The following TP53BP2 variants were observed in gnomAD, a reference collection of about 807,000 sequenced individuals.
TP53BP2 encodes the protein tumor protein p53 binding protein 2, also known as apoptosis-stimulating of p53 protein 2.
A neutral mutation model predicts 126.2 loss-of-function variants in TP53BP2; 62 were observed. The observed-to-expected ratio is 0.49, with a 90% CI of 0.40 to 0.61. TP53BP2 has a LOEUF of 0.61. Among genes scored for constraint, TP53BP2 ranks in the 20% least tolerant of loss-of-function variants. The pLI is 0.00. For missense variants in TP53BP2, 1,215 were observed against 1,402.8 expected, an observed-to-expected ratio of 0.87 and a Z score of 2.14; for synonymous variants, 485 against 502.9, an observed-to-expected ratio of 0.96 and a Z score of 0.48.
chr1:223,843,965 A>G (rs1383210276), intron 1 of TP53BP2, among the ~76,000 whole-genome samples: 2 of 152,222 alleles, frequency 1.3e-5, no homozygotes, highest in African/African-American at 4.8e-5. Flanking sequence ...ATTGCAAGCT[A>G]GACACTGTAC....
chr1:223,824,666 A>G (rs2102876464), intron 1 of TP53BP2, among the ~76,000 whole-genome samples: 1 of 152,244 alleles, frequency 6.6e-6, no homozygotes, highest in Middle Eastern at 3.4e-3. Context: ...AGAACTTAAA[A>G]TTAATTTTTA....
At chr1:223,825,205 G>C (rs1448194704) in intron 1 of TP53BP2, among the ~76,000 whole-genome samples, 3 of 152,126 alleles carry the variant, frequency 2.0e-5, no homozygotes, top group Admixed American at 1.3e-4. Flanking sequence ...CAGTGTTGTA[G>C]ACTCAGCGCC....
chr1:223,798,117 G>T, intron 12 of TP53BP2, 98 bp downstream of exon 12: 2 of 1,212,134 alleles, frequency 1.6e-6, no homozygotes, highest in Non-Finnish European at 2.3e-6. Context: ...CTTAGCGTCA[G>T]TCAAAATAGG....
intron 1 of TP53BP2, among the ~76,000 whole-genome samples, chr1:223,823,907 C>A (rs928077237): frequency 6.6e-6 from 1 of 152,150 alleles, no homozygotes; most frequent in Admixed American, 6.5e-5. Flanking sequence ...TACAGAAATA[C>A]TGGAAATACA....
intron 1 of TP53BP2, among the ~76,000 whole-genome samples, chr1:223,832,385 G>C (rs568565178): frequency 1.3e-4 from 20 of 152,308 alleles, no homozygotes; most frequent in Non-Finnish European, 2.8e-4. Context: ...GAGATTAGGG[G>C]AAAATCTGAA....
intron 4 of TP53BP2, among the ~76,000 whole-genome samples, chr1:223,808,701 A>T (rs1487515931): frequency 2.6e-5 from 4 of 151,714 alleles, no homozygotes; most frequent in Non-Finnish European, 5.9e-5. Flanking sequence ...AAGAGTTCTT[A>T]GATACAACAC....
At chr1:223,819,184 CAA>C (rs533080608) in intron 2 of TP53BP2, among the ~76,000 whole-genome samples, 2,867 of 116,272 alleles carry the variant, frequency 0.025, 95 homozygotes, top group African/African-American at 0.076. Flanking sequence ...AACTCTGTCT[CAA>C]AAAAAAAAAA....
chr1:223,833,170 C>T (rs781609067), intron 1 of TP53BP2, among the ~76,000 whole-genome samples: 3 of 152,132 alleles, frequency 2.0e-5, no homozygotes, highest in Non-Finnish European at 4.4e-5. Context: ...TTATGTATAC[C>T]GATGTTCTAT....
chr1:223,809,213 C>G (rs548694422), intron 4 of TP53BP2, among the ~76,000 whole-genome samples: 1 of 152,208 alleles, frequency 6.6e-6, no homozygotes, highest in Admixed American at 6.5e-5. Context: ...ACTAAAACAA[C>G]GGCTAAGATC....
chr1:223,809,481 C>G (rs1301158341), intron 4 of TP53BP2, among the ~76,000 whole-genome samples: 1 of 151,866 alleles, frequency 6.6e-6, no homozygotes, highest in African/African-American at 2.4e-5. Context: ...GCAGGAGAAT[C>G]GCTTGAACCC....
chr1:223,844,885 G>A (rs925118483), intron 1 of TP53BP2, among the ~76,000 whole-genome samples: 35 of 152,188 alleles, frequency 2.3e-4, no homozygotes, highest in African/African-American at 8.2e-4. Flanking sequence ...CAACTTCCAC[G>A]AAGAAACTCG....
intron 1 of TP53BP2, among the ~76,000 whole-genome samples, chr1:223,825,231 T>C (rs1452744406): frequency 1.3e-5 from 2 of 152,204 alleles, no homozygotes; most frequent in African/African-American, 2.4e-5. Context: ...CTGTGCTTGG[T>C]GTGTAACAAG....
chr1:223,793,204 T>A, intron 14 of TP53BP2, 99 bp downstream of exon 14: 60 of 897,002 alleles, frequency 6.7e-5, no homozygotes, highest in East Asian at 1.3e-4. Flanking sequence ...TAAAACAAAA[T>A]ACAAGGTCAT....
chr1:223,804,372 G>C, intron 5 of TP53BP2, 24 bp from the exon 6 acceptor site: 1 of 1,608,592 alleles, frequency 6.2e-7, no homozygotes, highest in African/African-American at 1.3e-5. Flanking sequence ...TAATCATTAG[G>C]TATGTCATTT....
intron 15 of TP53BP2, among the ~76,000 whole-genome samples, chr1:223,790,000 T>C (rs571854239): frequency 6.6e-6 from 1 of 152,004 alleles, no homozygotes; most frequent in Non-Finnish European, 1.5e-5. Context: ...AAAAAAAATT[T>C]AGACCAGGCG....
At chr1:223,802,707 A>G in intron 8 of TP53BP2, 24 bp downstream of exon 8, 1 of 1,613,112 alleles carries the variant, frequency 6.2e-7, no homozygotes, top group Non-Finnish European at 8.5e-7. Flanking sequence ...CCTCCCCAAA[A>G]CCATTACAAA....
At chr1:223,832,948 A>G (rs1663791316) in intron 1 of TP53BP2, among the ~76,000 whole-genome samples, 1 of 152,138 alleles carries the variant, frequency 6.6e-6, no homozygotes, top group Non-Finnish European at 1.5e-5. Context: ...GTCTCTGTGG[A>G]ACCTTCCTCA....
intron 1 of TP53BP2, among the ~76,000 whole-genome samples, chr1:223,835,219 T>C (rs1663878955): frequency 6.6e-6 from 1 of 152,244 alleles, no homozygotes; most frequent in Non-Finnish European, 1.5e-5. Flanking sequence ...AGCCAGACAA[T>C]GTCTCAAAGA....
chr1:223,802,356 A>T lies in TP53BP2; in HGVS notation c.997-12T>A, dbSNP rs760195491. The T allele has an allele frequency of 6.2e-7, 1 of 1,611,668 alleles. No individual in the cohort carries two copies. The highest frequency in any genetic ancestry group is 8.5e-7 in the Non-Finnish European group (1 of 1,178,550). On this transcript the variant is annotated splice_polypyrimidine_tract_variant and intron_variant, in intron 8 of 17. Coordinates refer to ENST00000343537, the MANE Select transcript of TP53BP2 (RefSeq NM_001031685.3). ...CCATCAGATGAAACCTTAGGAAAGA[A>T]GCACAGGTCCTTTAGTATTAAAAAT...
Sources: allele counts gnomAD v4.1 joint callset (sites outside exome capture counted in the v4.1 genomes callset), GRCh38; gene constraint gnomAD v4.1.1; transcripts MANE v1.5; gene names NCBI Gene and HGNC (gene_info 2026-07-23, HGNC 2026-07-21).